TMEM165: variants seen among roughly 807,000 people sequenced by gnomAD.
TMEM165 encodes the protein putative divalent cation/proton antiporter TMEM165.
Under a neutral mutation model 30.0 loss-of-function variants are expected in TMEM165, and 19 were observed. The observed-to-expected ratio is 0.63, with a 90% CI of 0.44 to 0.93. TMEM165 has a LOEUF of 0.93. Among genes scored for constraint, TMEM165 ranks in the 40% least tolerant of loss-of-function variants. The pLI is 0.00. For synonymous variants in TMEM165, 168 were observed against 162.9 expected (o/e 1.03, Z -0.24); for missense variants, 340 against 417.0 (o/e 0.82, Z 1.61).
rs1039562811 is a variant in TMEM165, at chr4:55,450,364, A to C, written c.409-1875A>C. 46 of 953,476 alleles carry C rather than the reference A, an allele frequency of 4.8e-5. No individual in the cohort carries two copies. In the Middle Eastern group the frequency reaches 1.3e-3, roughly 26 times the overall value. The allele number at this position is 953,476 out of a possible 1,614,324, so 59.1% of individuals were successfully genotyped here. ...GGCAAAAGTACCTGTATGTACATAC[A>C]CATGTAAAGAAATGAAAATTTATGT... On this transcript the variant is annotated intron_variant, in intron 3 of 3. Transcript: ENST00000608091.
chr4:55,401,750 T>G (rs951332935), intron 1 of TMEM165, among the ~76,000 whole-genome samples: 1 of 150,406 alleles, frequency 6.6e-6, no homozygotes, highest in African/African-American at 2.5e-5. Flanking sequence ...CATAATTACC[T>G]TCTCAGAAGG....
intron 1 of TMEM165, among the ~76,000 whole-genome samples, chr4:55,397,584 C>A (rs1303044810): frequency 6.6e-6 from 1 of 152,100 alleles, no homozygotes. Flanking sequence ...GTGAAGACTT[C>A]CCTAAAATTT....
intron 4 of TMEM165, among the ~76,000 whole-genome samples, chr4:55,421,166 C>CAAAA (rs71194559): frequency 2.0e-4 from 17 of 83,476 alleles, no homozygotes; most frequent in African/African-American, 5.9e-4. Flanking sequence ...GATTCCATCT[C>CAAAA]AAAAAAAAAA....
intron 3 of TMEM165, chr4:55,442,528 G>A (rs1359857974): frequency 6.2e-7 from 1 of 1,610,142 alleles, no homozygotes; most frequent in Non-Finnish European, 8.5e-7. Flanking sequence ...TCCGGCTGCA[G>A]GCTGAGAAAT....
At chr4:55,428,613 A>T (rs1722332769), downstream of TMEM165, 1 of 152,172 alleles carries the variant, frequency 6.6e-6, no homozygotes, top group Admixed American at 6.5e-5. Context: ...ACCGTTTTGG[A>T]AGTAAAAATG....
intron 3 of TMEM165, chr4:55,438,398 G>GT: frequency 6.2e-7 from 1 of 1,613,942 alleles, no homozygotes; most frequent in Non-Finnish European, 8.5e-7. Context: ...GACAATGTCT[G>GT]TGACTGTTGC....
intron 3 of TMEM165, chr4:55,444,044 A>G (rs1351921891): frequency 6.1e-6 from 4 of 651,954 alleles, no homozygotes; most frequent in African/African-American, 1.8e-5. Flanking sequence ...ATAAATAAGT[A>G]GTGAATAAAA....
At position 55,450,376 on chromosome 4, in the gene TMEM165, A is replaced by G. The variant is rs558364255; in HGVS notation, c.409-1863A>G. 2.3e-4 allele frequency: 195 copies of G among 849,040 alleles called. No homozygotes were observed. The African/African-American group carries it at 3.0e-3, about 13-fold the overall frequency. The allele number at this position is 849,040 out of a possible 1,614,324, so 52.6% of individuals were successfully genotyped here. A position where few individuals can be genotyped will look rare whatever the true frequency, so the allele number is the denominator to read the frequency against. On this transcript the variant is annotated intron_variant, in intron 3 of 3. Transcript: ENST00000608091. The stretch of plus-strand genomic sequence containing the variant: ...TGTATGTACATACACATGTAAAGAA[A>G]TGAAAATTTATGTGTTATAGCCAGA...
intron 3 of TMEM165, chr4:55,435,422 G>C: frequency 6.2e-7 from 1 of 1,613,936 alleles, no homozygotes; most frequent in South Asian, 1.1e-5. Flanking sequence ...GTGCTACTGT[G>C]GTTGAACCTT....
intron 1 of TMEM165, among the ~76,000 whole-genome samples, chr4:55,408,155 C>T (rs919681749): frequency 6.6e-6 from 1 of 152,170 alleles, no homozygotes; most frequent in African/African-American, 2.4e-5. Context: ...TCTATCTTCA[C>T]GGTACCCCGA....
chr4:55,431,202 T>G (rs1577653342), intron 3 of TMEM165: 1 of 152,106 alleles, frequency 6.6e-6, no homozygotes, highest in African/African-American at 2.4e-5. Context: ...GGCATGAGAG[T>G]TGGGTCTTCT....
Position 55,417,130 on chromosome 4 carries a change from T to A in TMEM165, c.492T>A (p.Thr164=), listed in dbSNP as rs1169056530. Residue 164 remains threonine (T), a synonymous_variant, in exon 3 of 6, where the codon ACT becomes ACA. Transcript: ENST00000381334. ...IPRVYTYYVS[T]VLFAIFGIRM... Reference sequence around the variant, plus strand: ...GGGTCTATACATACTATGTTTCAACTGTATTATTTGCCATTTTTGGCATTA... The same window carrying A: ...GGGTCTATACATACTATGTTTCAACAGTATTATTTGCCATTTTTGGCATTA... 1 of 1,613,992 alleles carries A rather than the reference T, an allele frequency of 6.2e-7. No homozygotes were observed. The highest frequency in any genetic ancestry group is 8.5e-7 in the Non-Finnish European group (1 of 1,180,012).
At chr4:55,426,738 G>C (rs1352124540), downstream of TMEM165, among the ~76,000 whole-genome samples, 1 of 152,182 alleles carries the variant, frequency 6.6e-6, no homozygotes, top group Non-Finnish European at 1.5e-5. Context: ...AAGAGATTGT[G>C]AAAGAACCCA....
chr4:55,427,346 T>TTTTG (rs10654591), downstream of TMEM165, among the ~76,000 whole-genome samples: 45,616 of 133,110 alleles, frequency 0.34, 7,549 homozygotes, highest in East Asian at 0.58. Flanking sequence ...TACTAATACG[T>TTTTG]TTTGTTTGTT....
chr4:55,444,132 A>C (rs1421861345), intron 3 of TMEM165, among the ~76,000 whole-genome samples: 1 of 152,174 alleles, frequency 6.6e-6, no homozygotes, highest in African/African-American at 2.4e-5. Context: ...TAGTCTGTGG[A>C]TTGACAGCTC....
At chr4:55,420,106 A>AAAAAAATATATATAT (rs1474254120) in intron 4 of TMEM165, among the ~76,000 whole-genome samples, 2 of 45,450 alleles carry the variant, frequency 4.4e-5, no homozygotes, top group Non-Finnish European at 4.1e-5. Context: ...AAGAAAAAAA[A>AAAAAAATATATATAT]ATATATATAT....
chr4:55,434,876 CAT>C (rs1722758182), intron 3 of TMEM165: 1 of 150,806 alleles, frequency 6.6e-6, no homozygotes, highest in Non-Finnish European at 1.4e-5. Context: ...ATCATCTGTA[CAT>C]AGAGAATTTG....
chr4:55,402,794 G>GATTTTTTTTTTTTT (rs1491276185), intron 1 of TMEM165, among the ~76,000 whole-genome samples: 1 of 52,520 alleles, frequency 1.9e-5, no homozygotes, highest in Non-Finnish European at 3.5e-5. Flanking sequence ...TTTAAAAAAA[G>GATTTTTTTTTTTTT]CTTTTTTTTT....
intron 3 of TMEM165, among the ~76,000 whole-genome samples, chr4:55,436,117 T>G (rs1296373596): frequency 1.3e-5 from 2 of 152,190 alleles, no homozygotes; most frequent in East Asian, 1.9e-4. Context: ...TGTTTACTTC[T>G]CTGGGCCTCA....
Sources: allele counts gnomAD v4.1 joint callset (sites outside exome capture counted in the v4.1 genomes callset), GRCh38; gene constraint gnomAD v4.1.1; transcripts MANE v1.5; gene names NCBI Gene and HGNC (gene_info 2026-07-23, HGNC 2026-07-21).